Variants in MCPH1 observed in about 807,000 individuals in gnomAD.
MCPH1 encodes the protein microcephalin 1, also known as microcephalin.
A neutral mutation model predicts 84.5 loss-of-function variants in MCPH1; 104 were observed. The ratio of observed to expected loss-of-function variants is 1.23; its 90% CI spans 1.05 to 1.45. The LOEUF (loss-of-function observed/expected upper bound fraction) is 1.45, where lower values mean the gene tolerates loss of function less well. Among genes scored for constraint, MCPH1 ranks in the 40% most tolerant of loss-of-function variants. The pLI is 0.00. For missense variants in MCPH1, 1,498 were observed against 1,005.7 expected, an observed-to-expected ratio of 1.49 and a Z score of -6.62; for synonymous variants, 514 against 366.8, an observed-to-expected ratio of 1.40 and a Z score of -4.58.
intron 12 of MCPH1, among the ~76,000 whole-genome samples, chr8:6,590,241 T>C (rs1227923243): frequency 6.6e-6 from 1 of 152,020 alleles, no homozygotes; most frequent in African/African-American, 2.4e-5. Flanking sequence ...TATGTAATCA[T>C]TACACATAGA....
At chr8:6,503,015 A>G in intron 12 of MCPH1, 1 of 1,491,290 alleles carries the variant, frequency 6.7e-7, no homozygotes, top group African/African-American at 1.4e-5. Context: ...GTGGAAGAGG[A>G]CACAGTGCGC....
intron 13 of MCPH1, chr8:6,626,412 G>C (rs1377415001): frequency 3.1e-6 from 3 of 983,380 alleles, no homozygotes; most frequent in African/African-American, 1.8e-5. Flanking sequence ...CTTGGGCCAA[G>C]ATTCTTGATG....
intron 9 of MCPH1, among the ~76,000 whole-genome samples, chr8:6,472,219 A>T (rs1213712241): frequency 6.6e-6 from 1 of 152,242 alleles, no homozygotes; most frequent in Non-Finnish European, 1.5e-5. Flanking sequence ...ATATAATTAG[A>T]ATAGACCAAG....
chr8:6,482,277 G>C (rs1809341060), intron 11 of MCPH1, among the ~76,000 whole-genome samples: 1 of 152,170 alleles, frequency 6.6e-6, no homozygotes, highest in African/African-American at 2.4e-5. Flanking sequence ...TGCTGACGTA[G>C]CTAAAATCTA....
At chr8:6,522,914 A>C (rs1817637580) in intron 12 of MCPH1, among the ~76,000 whole-genome samples, 1 of 152,146 alleles carries the variant, frequency 6.6e-6, no homozygotes, top group Non-Finnish European at 1.5e-5. Flanking sequence ...ATGTGGCCCC[A>C]TTCCTTCTCT....
chr8:6,640,450 A>G (rs1797869655), intron 13 of MCPH1, among the ~76,000 whole-genome samples: 1 of 152,210 alleles, frequency 6.6e-6, no homozygotes, highest in South Asian at 2.1e-4. Flanking sequence ...TTGCCTGATT[A>G]CTAAATTATG....
intron 12 of MCPH1, among the ~76,000 whole-genome samples, chr8:6,578,117 A>G (rs1042162395): frequency 7.2e-5 from 11 of 152,302 alleles, no homozygotes; most frequent in Admixed American, 5.9e-4. Context: ...ACACACTGGC[A>G]TTGTTTCCCA....
chr8:6,505,422 TAAAGA>T (rs1813318602), intron 12 of MCPH1, among the ~76,000 whole-genome samples: 18 of 83,608 alleles, frequency 2.2e-4, no homozygotes, highest in Admixed American at 2.6e-4. Flanking sequence ...TTTATATACA[TAAAGA>T]ATATATATAT....
Position 6,616,316 on chromosome 8 carries a change from G to A in MCPH1, c.2215-5138G>A, listed in dbSNP as rs1338980010. ...TTGAAATCCAACACCCTGGGCTGGA[G>A]TAAATGAACCGTCAGCCACCCATGG... is the stretch of plus-strand genomic sequence containing the variant. On this transcript the variant is annotated intron_variant, in intron 12 of 13. Transcript: ENST00000344683. The A allele has an allele frequency of 2.0e-5, 3 of 152,222 alleles. No homozygotes were observed. In the East Asian group the frequency reaches 5.8e-4, roughly 29 times the overall value. The allele number at this position is 152,222 out of a possible 1,614,324, so 9.4% of individuals were successfully genotyped here.
chr8:6,609,279 G>A (rs1432457619), intron 12 of MCPH1, among the ~76,000 whole-genome samples: 2 of 152,176 alleles, frequency 1.3e-5, no homozygotes, highest in Non-Finnish European at 2.9e-5. Flanking sequence ...GCGCATGGAC[G>A]GGACCCAGAG....
intron 12 of MCPH1, among the ~76,000 whole-genome samples, chr8:6,601,435 G>A (rs1460846507): frequency 2.0e-5 from 3 of 151,896 alleles, no homozygotes; most frequent in East Asian, 1.9e-4. Flanking sequence ...CTGCCCGTAC[G>A]GGACTGCTCA....
intron 8 of MCPH1, 66 bp from the exon 9 acceptor site, chr8:6,455,077 G>A: frequency 2.5e-6 from 3 of 1,223,936 alleles, no homozygotes; most frequent in East Asian, 2.3e-5. Context: ...TGTGATTTTT[G>A]TTTTGCTTAA....
At chr8:6,426,179 T>A (rs1801032190) in intron 3 of MCPH1, among the ~76,000 whole-genome samples, 1 of 152,204 alleles carries the variant, frequency 6.6e-6, no homozygotes, top group Admixed American at 6.5e-5. Flanking sequence ...AGTTGGTTTG[T>A]TTTTTTAAAA....
intron 11 of MCPH1, among the ~76,000 whole-genome samples, chr8:6,486,812 G>T (rs572900147): frequency 3.3e-5 from 5 of 152,198 alleles, no homozygotes; most frequent in Admixed American, 2.6e-4. Flanking sequence ...TTTGACCAAA[G>T]TGTCCCTTTA....
intron 11 of MCPH1, among the ~76,000 whole-genome samples, chr8:6,490,065 C>T (rs1036743879): frequency 6.6e-6 from 1 of 152,036 alleles, no homozygotes; most frequent in Non-Finnish European, 1.5e-5. Flanking sequence ...CAGTGTAGAT[C>T]TCAGTTCCCC....
chr8:6,550,215 ACCG>A (rs1419292846), intron 12 of MCPH1, among the ~76,000 whole-genome samples: 1 of 152,202 alleles, frequency 6.6e-6, no homozygotes, highest in Non-Finnish European at 1.5e-5. Flanking sequence ...CTCACTGGCT[ACCG>A]CTAGGTGGCT....
At chr8:6,524,738 C>G (rs989913155) in intron 12 of MCPH1, among the ~76,000 whole-genome samples, 13 of 152,312 alleles carry the variant, frequency 8.5e-5, no homozygotes, top group Admixed American at 5.9e-4. Flanking sequence ...CTATGAATGT[C>G]TCCCTTGAGG....
intron 13 of MCPH1, among the ~76,000 whole-genome samples, chr8:6,639,281 G>A (rs867355884): frequency 6.6e-6 from 1 of 152,032 alleles, no homozygotes; most frequent in African/African-American, 2.4e-5. Flanking sequence ...AAGTACACAG[G>A]GTCCTCCAGT....
intron 12 of MCPH1, among the ~76,000 whole-genome samples, chr8:6,583,517 A>G (rs1827730138): frequency 6.6e-6 from 1 of 152,240 alleles, no homozygotes; most frequent in Non-Finnish European, 1.5e-5. Context: ...TGCATAGGAC[A>G]TCAAGAATAC....
Sources: gnomAD v4.1 joint callset for allele counts (sites outside exome capture counted in the v4.1 genomes callset) on GRCh38, gnomAD v4.1.1 for gene constraint, MANE v1.5 for transcripts, NCBI Gene and HGNC (gene_info 2026-07-23, HGNC 2026-07-21) for gene names.